Variants in EDARADD observed in about 807,000 individuals in gnomAD.
EDARADD encodes the protein EDAR associated via death domain.
EDARADD carries 20 observed loss-of-function variants against 25.6 expected under a neutral mutation model. The ratio of observed to expected loss-of-function variants is 0.78; its 90% CI spans 0.55 to 1.14. The LOEUF is 1.14. Ranked by LOEUF, EDARADD falls within the 50% of genes most tolerant of loss-of-function variation. The pLI, the probability that EDARADD is intolerant of heterozygous loss-of-function variation, is 0.00. For missense variants in EDARADD, 225 were observed against 270.1 expected, an observed-to-expected ratio of 0.83 and a Z score of 1.17; for synonymous variants, 86 against 94.4, an observed-to-expected ratio of 0.91 and a Z score of 0.52.
Position 236,484,023 on chromosome 1 carries a change from T to C in EDARADD, c.*1374T>C, listed in dbSNP as rs930640464. The C allele has an allele frequency of 7.3e-6, 11 of 1,503,554 alleles. No homozygotes were observed. In the African/African-American group the frequency reaches 1.5e-4, roughly 21 times the overall value. The allele number at this position is 1,503,554 out of a possible 1,614,324, so 93.1% of individuals were successfully genotyped here. On this transcript the variant is annotated 3_prime_UTR_variant, in exon 6 of 6. Coordinates refer to ENST00000334232, the MANE Select transcript of EDARADD (RefSeq NM_145861.4). The surrounding 1 kb of genome is among the most constrained non-coding windows in gnomAD (Gnocchi z 4.1). Reference sequence around the variant, plus strand: ...CCTGTACAAGTCCTTCATCAAAAACTACCCAGTGGTGTCTACTGAAGATCC... The same window carrying C: ...CCTGTACAAGTCCTTCATCAAAAACCACCCAGTGGTGTCTACTGAAGATCC...
intron 4 of EDARADD, among the ~76,000 whole-genome samples, chr1:236,450,078 G>T (rs1215905134): frequency 3.4e-5 from 5 of 149,024 alleles, no homozygotes; most frequent in Admixed American, 1.4e-4. Context: ...TCCAGCCTGG[G>T]TGACAGAACG....
At position 236,463,380 on chromosome 1, in the gene EDARADD, G is replaced by A. The variant is rs1194470716; in HGVS notation, c.220-4851G>A. 4.6e-5 allele frequency among the ~76,000 whole-genome samples: 7 copies of A among 152,034 alleles called. No homozygotes were observed. In the East Asian group the frequency reaches 7.7e-4, roughly 17 times the overall value. On this transcript the variant is annotated intron_variant, in intron 4 of 5. Transcript: ENST00000334232. ...GAGATCTTGGTTCACTGCAACCTCCGCCTCCTAGGTCCAAGTGATTCTCCT... is the reference window on the plus strand; with the variant it reads ...GAGATCTTGGTTCACTGCAACCTCCACCTCCTAGGTCCAAGTGATTCTCCT...
In EDARADD at chr1:236,389,179, G is replaced by T. The variant is rs10495377; in HGVS notation, c.-5-20037G>T. Among the ~76,000 whole-genome samples the T allele has an allele frequency of 9.4e-3, 1,431 of 152,306 alleles. 8 individuals carry two copies. Among genetic ancestry groups the T allele is most frequent in the Middle Eastern group, 0.02 (6 of 294 alleles). On this transcript the variant is annotated intron_variant, in intron 3 of 7. Coordinates refer to the EDARADD transcript ENST00000439430. ...TGGTGCTGGGTGTGGGAGCACCCAT[G>T]ATCAAGGCACCAGGAACACCTGCAA...
Position 236,482,668 on chromosome 1 carries a change from A to T in EDARADD, c.*19A>T, listed in dbSNP as rs1467231396. ...CTTCTAGAGCTCTTCTTCTTCCTTCATTGGCCTCTCCGGATGTTGAAACAA... is the reference window on the plus strand; with the variant it reads ...CTTCTAGAGCTCTTCTTCTTCCTTCTTTGGCCTCTCCGGATGTTGAAACAA... On this transcript the variant is annotated 3_prime_UTR_variant, in exon 6 of 6. Coordinates refer to ENST00000334232, the MANE Select transcript of EDARADD (RefSeq NM_145861.4). 1.9e-6 allele frequency: 3 copies of T among 1,610,856 alleles called. No individual in the cohort carries two copies. Among genetic ancestry groups the T allele is most frequent in the Non-Finnish European group, 2.5e-6 (3 of 1,179,992 alleles).
intron 4 of EDARADD, among the ~76,000 whole-genome samples, chr1:236,428,749 G>A (rs1658004961): frequency 6.7e-6 from 1 of 150,184 alleles, no homozygotes; most frequent in African/African-American, 2.4e-5. Flanking sequence ...CCGGGCAGAG[G>A]CTGCAATCTC....
At position 236,395,295 on chromosome 1, in the gene EDARADD, G is replaced by A. The variant is rs1279692571; in HGVS notation, c.61+790G>A. ...GGGCAGGACGCGCGCTCTGGGCGCT[G>A]GGGACGCCCGGGACACTCGGGGCCC... On this transcript the variant is annotated intron_variant, in intron 1 of 5. Transcript: ENST00000334232. The surrounding 1 kb of genome is among the most constrained non-coding windows in gnomAD (Gnocchi z 6.9). The A allele has an allele frequency of 8.6e-7, 1 of 1,158,070 alleles. No homozygotes were observed. The highest frequency in any genetic ancestry group is 1.7e-5 in the African/African-American group (1 of 60,104). The allele number at this position is 1,158,070 out of a possible 1,614,324, so 71.7% of individuals were successfully genotyped here. A position where few individuals can be genotyped will look rare whatever the true frequency, so the allele number is the denominator to read the frequency against.
intron 3 of EDARADD, among the ~76,000 whole-genome samples, chr1:236,368,307 A>T (rs1667132283): frequency 6.6e-6 from 1 of 152,014 alleles, no homozygotes; most frequent in African/African-American, 2.4e-5. Context: ...TTCCAACCTT[A>T]TGTCCCGTAG....
rs2103001926 is a variant in EDARADD, at chr1:236,398,259, G to A, written c.61+3754G>A. Reference sequence around the variant, plus strand: ...CCTGTCTCAGCCTCCCAAGTAACTGGTATTACAGGTGCACACTACCACACC... The same window carrying A: ...CCTGTCTCAGCCTCCCAAGTAACTGATATTACAGGTGCACACTACCACACC... On this transcript the variant is annotated intron_variant, in intron 1 of 5. Coordinates refer to ENST00000334232, the MANE Select transcript of EDARADD (RefSeq NM_145861.4). This position sits in a 1 kb window ranked among gnomAD's most constrained non-coding sequence, Gnocchi z 4.1. Among the ~76,000 whole-genome samples, 1 of 152,246 alleles carries A rather than the reference G, an allele frequency of 6.6e-6. No homozygotes were observed. Among genetic ancestry groups the A allele is most frequent in the Non-Finnish European group, 1.5e-5 (1 of 68,024 alleles).
intron 4 of EDARADD, among the ~76,000 whole-genome samples, chr1:236,428,481 T>C (rs1657987032): frequency 6.6e-6 from 1 of 152,146 alleles, no homozygotes; most frequent in Admixed American, 6.5e-5. Context: ...CAATGAGCTG[T>C]TGGGTACACC....
intron 4 of EDARADD, among the ~76,000 whole-genome samples, chr1:236,434,136 C>T (rs1187233688): frequency 2.0e-5 from 3 of 152,210 alleles, no homozygotes; most frequent in Non-Finnish European, 4.4e-5. Context: ...ATGATATAGC[C>T]CAAGCTTGTC....
rs1455615333 is a variant in EDARADD, at chr1:236,443,392, G to A, written c.219+15942G>A. 2.0e-5 allele frequency among the ~76,000 whole-genome samples: 3 copies of A among 152,102 alleles called. No homozygotes were observed. The East Asian group carries it at 5.8e-4, about 29-fold the overall frequency. On this transcript the variant is annotated intron_variant, in intron 4 of 5. Coordinates refer to ENST00000334232, the MANE Select transcript of EDARADD (RefSeq NM_145861.4). ...AAGTAAGTTGAAAACCTTCTGGAAA[G>A]GATTCACCATTCTAGATGCTATTAA...
intron 3 of EDARADD, among the ~76,000 whole-genome samples, chr1:236,351,057 G>A (rs1375591337): frequency 6.6e-6 from 1 of 151,738 alleles, no homozygotes; most frequent in Non-Finnish European, 1.5e-5. Flanking sequence ...GAGGATTGCT[G>A]GAGCCCAGGA....
At chr1:236,400,715 C>G (rs1265405466) in intron 1 of EDARADD, among the ~76,000 whole-genome samples, 2 of 138,712 alleles carry the variant, frequency 1.4e-5, no homozygotes, top group African/African-American at 2.6e-5. Context: ...CCACCACACC[C>G]GGCTATTTTT....
rs1659770743 is a variant in EDARADD, at chr1:236,484,360, G to A, written c.*1711G>A. ...GGGCAGCTCAAGACTGGTGCCCCTT[G>A]CTGATCTGAGCGCTTGGCCAAGTAC... On this transcript the variant is annotated 3_prime_UTR_variant, in exon 6 of 6. Transcript: ENST00000334232. The surrounding 1 kb of genome is among the most constrained non-coding windows in gnomAD (Gnocchi z 4.1). 6.5e-7 allele frequency: 1 copy of A among 1,533,540 alleles called. No homozygotes were observed. Among genetic ancestry groups the A allele is most frequent in the East Asian group, 2.2e-5 (1 of 44,506 alleles). The allele number at this position is 1,533,540 out of a possible 1,614,324, so 95.0% of individuals were successfully genotyped here. A position where few individuals can be genotyped will look rare whatever the true frequency, so the allele number is the denominator to read the frequency against.
In EDARADD at chr1:236,395,397, G is replaced by A; in HGVS notation, c.61+892G>A. 7.1e-7 allele frequency: 1 copy of A among 1,405,288 alleles called. No individual in the cohort carries two copies. Among genetic ancestry groups the A allele is most frequent in the Non-Finnish European group, 9.3e-7 (1 of 1,078,362 alleles). 87.1% of individuals were successfully genotyped at this position (1,405,288 alleles called of 1,614,324 possible). A position where few individuals can be genotyped will look rare whatever the true frequency, so the allele number is the denominator to read the frequency against. ...TCTGGAGGGAGGTACCGAGGGACGCGCAGCGAAGGGGCTTTGCTAATTGCC... is the reference window on the plus strand; with the variant it reads ...TCTGGAGGGAGGTACCGAGGGACGCACAGCGAAGGGGCTTTGCTAATTGCC... On this transcript the variant is annotated intron_variant, in intron 1 of 5. Coordinates refer to ENST00000334232, the MANE Select transcript of EDARADD (RefSeq NM_145861.4). This position sits in a 1 kb window ranked among gnomAD's most constrained non-coding sequence, Gnocchi z 6.9.
chr1:236,405,771 TTCTTTCTTTCTTTC>T, intron 1 of EDARADD, among the ~76,000 whole-genome samples: 1 of 56,662 alleles, frequency 1.8e-5, no homozygotes, highest in Non-Finnish European at 3.8e-5. Context: ...CTTTCTTTCT[TTCTTTCTTTCTTTC>T]TTTCTTTTCT....
intron 4 of EDARADD, among the ~76,000 whole-genome samples, chr1:236,458,961 G>GA (rs1356390903): frequency 6.6e-6 from 1 of 151,962 alleles, no homozygotes; most frequent in African/African-American, 2.4e-5. Context: ...TCAAATCAAA[G>GA]AAAAAATAAT....
intron 2 of EDARADD, 43 bp downstream of exon 2, chr1:236,409,317 G>A: frequency 6.6e-7 from 1 of 1,509,362 alleles, no homozygotes; most frequent in Non-Finnish European, 9.2e-7. Flanking sequence ...TTATTGTTTT[G>A]CTTTTTTTCT....
chr1:236,394,947 C>G (rs904185327), intron 1 of EDARADD, among the ~76,000 whole-genome samples: 2 of 152,214 alleles, frequency 1.3e-5, no homozygotes, highest in Non-Finnish European at 2.9e-5. Flanking sequence ...CACTCCTTTT[C>G]TGCAGCACTC....
Sources: allele counts gnomAD v4.1 joint callset (sites outside exome capture counted in the v4.1 genomes callset), GRCh38; gene constraint gnomAD v4.1.1; non-coding constraint Gnocchi (gnomAD v3.1); transcripts MANE v1.5; gene names NCBI Gene and HGNC (gene_info 2026-07-23, HGNC 2026-07-21).